Variants in PRKD1 observed in about 807,000 individuals in gnomAD.
PRKD1 encodes the protein protein kinase D1.
A neutral mutation model predicts 95.9 loss-of-function variants in PRKD1; 63 were observed. That is an observed-to-expected ratio of 0.66 (90% confidence interval 0.54 to 0.81). The LOEUF (loss-of-function observed/expected upper bound fraction) is 0.81, where lower values mean the gene tolerates loss of function less well. Among genes scored for constraint, PRKD1 ranks in the 30% least tolerant of loss-of-function variants. The probability of loss-of-function intolerance (pLI) is 0.00; values close to 1 mark genes in which losing one functional copy is unlikely to be tolerated. For missense variants in PRKD1, 1,048 were observed against 1,165.3 expected (o/e 0.90, Z 1.47); for synonymous variants, 425 against 423.1 (o/e 1.00, Z -0.05).
chr14:29,676,699 C>T (rs11626453), intron 2 of PRKD1, among the ~76,000 whole-genome samples: 17,129 of 151,928 alleles, frequency 0.11, 1,077 homozygotes, highest in South Asian at 0.19. Context: ...CTGAGAAAAC[C>T]GAGATATTAA....
intron 1 of PRKD1, among the ~76,000 whole-genome samples, chr14:29,804,613 T>C (rs955110233): frequency 2.7e-5 from 4 of 150,322 alleles, no homozygotes; most frequent in Non-Finnish European, 4.4e-5. Flanking sequence ...TGCATCCTAA[T>C]GTTTAAAATA....
chr14:29,632,173 G>A (rs140620324), intron 9 of PRKD1, among the ~76,000 whole-genome samples: 2 of 152,140 alleles, frequency 1.3e-5, no homozygotes, highest in Non-Finnish European at 2.9e-5. Flanking sequence ...GAAGTATGCA[G>A]GGGCTAAAAA....
chr14:29,903,626 T>A (rs1173287749), intron 1 of PRKD1, among the ~76,000 whole-genome samples: 1 of 152,170 alleles, frequency 6.6e-6, no homozygotes, highest in Admixed American at 6.6e-5. Context: ...CCAAAAGCCA[T>A]TCTGAAGACT....
intron 1 of PRKD1, among the ~76,000 whole-genome samples, chr14:29,758,958 C>T (rs981000401): frequency 3.0e-4 from 45 of 152,188 alleles, no homozygotes; most frequent in Admixed American, 2.6e-3. Context: ...TCTATACTTA[C>T]GAACTCCCAA....
intron 12 of PRKD1, among the ~76,000 whole-genome samples, chr14:29,625,004 A>T (rs1879526314): frequency 6.6e-6 from 1 of 152,194 alleles, no homozygotes; most frequent in Admixed American, 6.5e-5. Flanking sequence ...AATGAAAATG[A>T]ATCAGAAAAT....
chr14:29,831,632 C>A lies in PRKD1; in HGVS notation c.264+95617G>T, dbSNP rs146638978. Among the ~76,000 whole-genome samples, 707 of 152,088 alleles carry A rather than the reference C, an allele frequency of 4.6e-3. 6 individuals are homozygous for A. Among genetic ancestry groups the A allele is most frequent in the African/African-American group, 0.016 (662 of 41,488 alleles). ...TACAGGCATGTGCCACCACACCCAG[C>A]TAATTTTTGTATTTTTAGTAGAGAT... On this transcript the variant is annotated intron_variant, in intron 1 of 17. Transcript: ENST00000331968.
At chr14:29,916,879 A>G (rs1894909086) in intron 1 of PRKD1, among the ~76,000 whole-genome samples, 1 of 152,120 alleles carries the variant, frequency 6.6e-6, no homozygotes, top group African/African-American at 2.4e-5. Context: ...CCCTCTGCCA[A>G]ATGCTCCCTT....
chr14:29,660,069 T>C (rs1270397254), intron 4 of PRKD1, among the ~76,000 whole-genome samples: 1 of 152,216 alleles, frequency 6.6e-6, no homozygotes, highest in Non-Finnish European at 1.5e-5. Context: ...GCTTCCAATC[T>C]ACCTACAATT....
chr14:29,625,926 C>T (rs889848541), intron 12 of PRKD1, among the ~76,000 whole-genome samples: 1 of 151,796 alleles, frequency 6.6e-6, no homozygotes, highest in African/African-American at 2.4e-5. Context: ...TTGAAAAATA[C>T]CCTTTAACTG....
At chr14:29,700,964 AC>A (rs1884798865) in intron 2 of PRKD1, among the ~76,000 whole-genome samples, 1 of 44,018 alleles carries the variant, frequency 2.3e-5, no homozygotes, top group Admixed American at 2.3e-4. Context: ...ATTTGTGTGT[AC>A]GCGTGCGCAT....
chr14:29,901,192 A>G (rs890850050), intron 1 of PRKD1, among the ~76,000 whole-genome samples: 15 of 152,234 alleles, frequency 9.9e-5, no homozygotes, highest in African/African-American at 3.6e-4. Flanking sequence ...TTGCAGCAAC[A>G]TGGATGGAGT....
chr14:29,758,938 C>T (rs1439963505), intron 1 of PRKD1, among the ~76,000 whole-genome samples: 1 of 152,182 alleles, frequency 6.6e-6, no homozygotes, highest in African/African-American at 2.4e-5. Flanking sequence ...TTCACTTCTA[C>T]TAGAGAGTTT....
intron 1 of PRKD1, among the ~76,000 whole-genome samples, chr14:29,872,194 G>T (rs1161989023): frequency 6.6e-6 from 1 of 152,126 alleles, no homozygotes; most frequent in South Asian, 2.1e-4. Flanking sequence ...TGAATTTGAG[G>T]TTGTTTCAGG....
chr14:29,712,636 A>G (rs1403285041), intron 2 of PRKD1, among the ~76,000 whole-genome samples: 1 of 152,186 alleles, frequency 6.6e-6, no homozygotes, highest in Non-Finnish European at 1.5e-5. Flanking sequence ...GTACAAATAC[A>G]TTCTGGTGTA....
Position 29,629,051 on chromosome 14 carries a change from T to A in PRKD1, c.1715A>T (p.Gln572Leu), listed in dbSNP as rs762603694. 36 of 1,605,132 alleles carry A rather than the reference T, an allele frequency of 2.2e-5. No homozygotes were observed. Among genetic ancestry groups the A allele is most frequent in the Non-Finnish European group, 2.6e-5 (30 of 1,174,672 alleles). ...VSISVSNCQIQENVDISTVYQ... is the reference protein window; with the variant it reads ...VSISVSNCQILENVDISTVYQ... ...TAGGTACATACTTACCACATTTTCTTGAATCTGGCAATTTGATACTGAAAT... is the reference window on the plus strand; with the variant it reads ...TAGGTACATACTTACCACATTTTCTAGAATCTGGCAATTTGATACTGAAAT... Residue 572 changes from glutamine (Q) to leucine (L), a missense_variant, in exon 11 of 18, where the codon CAA becomes CTA. Physicochemically the swap from Gln to Leu is moderately radical, Grantham distance 113. Around this residue, in one of 3 missense-constraint regions of PRKD1, gnomAD observed 739 missense variants for 861.9 expected, o/e 0.86. Transcript: ENST00000331968.
intron 2 of PRKD1, among the ~76,000 whole-genome samples, chr14:29,669,300 A>C (rs1882705573): frequency 1.3e-5 from 2 of 152,200 alleles, no homozygotes; most frequent in Admixed American, 1.3e-4. Flanking sequence ...TTCAACTTTT[A>C]CAAAAGTCAG....
chr14:29,728,321 TA>T (rs1307928597), intron 1 of PRKD1, among the ~76,000 whole-genome samples: 1 of 152,202 alleles, frequency 6.6e-6, no homozygotes, highest in Non-Finnish European at 1.5e-5. Context: ...TAAATTGATA[TA>T]AGTGGATAAA....
At position 29,632,924 on chromosome 14, in the gene PRKD1, A is replaced by G; in HGVS notation, c.1337T>C (p.Leu446Ser). 1 of 1,613,796 alleles carries G rather than the reference A, an allele frequency of 6.2e-7. No homozygotes were observed. Among genetic ancestry groups the G allele is most frequent in the Non-Finnish European group, 8.5e-7 (1 of 1,179,692 alleles). The part of the protein sequence containing the change: ...DTLRKRHYWR[L>S]DSKCITLFQN... Reference sequence around the variant, plus strand: ...AAAGAGGGTAATACATTTGCTATCCAATCTCCAATAGTGCCGTTTCCGCTG... The same window carrying G: ...AAAGAGGGTAATACATTTGCTATCCGATCTCCAATAGTGCCGTTTCCGCTG... The change falls in exon 9 of 18, where the codon TTG (leucine) becomes TCG (serine). Residue 446 changes from leucine to serine, a missense_variant. By Grantham distance (145) the Leu-to-Ser change is moderately radical. This residue lies in a region of PRKD1 where 739 missense variants were observed against 861.9 expected (regional missense o/e 0.86). Coordinates refer to ENST00000331968, the MANE Select transcript of PRKD1 (RefSeq NM_002742.3).
intron 1 of PRKD1, among the ~76,000 whole-genome samples, chr14:29,863,548 G>A (rs1265957968): frequency 2.6e-5 from 4 of 152,060 alleles, no homozygotes; most frequent in Non-Finnish European, 5.9e-5. Context: ...TTCTGGACTC[G>A]ATTTGGCTTT....
Sources: allele counts gnomAD v4.1 joint callset (sites outside exome capture counted in the v4.1 genomes callset), GRCh38; gene constraint gnomAD v4.1.1; regional missense constraint gnomAD v4.1.1; transcripts MANE v1.5; gene names NCBI Gene and HGNC (gene_info 2026-07-23, HGNC 2026-07-21).